The following SMYD3 variants were observed in gnomAD, a reference collection of about 807,000 sequenced individuals.
SMYD3 encodes histone-lysine N-methyltransferase SMYD3.
SMYD3 carries 36 observed loss-of-function variants against 57.7 expected under a neutral mutation model. The observed-to-expected ratio is 0.62, with a 90% CI of 0.48 to 0.82. SMYD3 has a LOEUF of 0.82. Among genes scored for constraint, SMYD3 ranks in the 40% least tolerant of loss-of-function variants. The pLI is 0.00. For missense variants in SMYD3, 515 were observed against 538.8 expected (o/e 0.96, Z 0.44); for synonymous variants, 211 against 195.0 (o/e 1.08, Z -0.68).
chr1:246,495,628 C>T (rs1468006463), intron 1 of SMYD3, among the ~76,000 whole-genome samples: 1 of 152,074 alleles, frequency 6.6e-6, no homozygotes, highest in Non-Finnish European at 1.5e-5. Flanking sequence ...AGTTTATGAA[C>T]AATTTTTACA....
chr1:246,281,297 T>C (rs1233648208), intron 5 of SMYD3, among the ~76,000 whole-genome samples: 1 of 152,222 alleles, frequency 6.6e-6, no homozygotes, highest in Non-Finnish European at 1.5e-5. Flanking sequence ...GTTCTCTTCC[T>C]TCTTTGTGAA....
At chr1:245,939,430 C>A (rs968932200) in intron 5 of SMYD3, among the ~76,000 whole-genome samples, 1 of 152,072 alleles carries the variant, frequency 6.6e-6, no homozygotes, top group Non-Finnish European at 1.5e-5. Flanking sequence ...TCGAGACCAG[C>A]CTGGCCAATA....
chr1:246,273,162 G>GC (rs1491138821), intron 5 of SMYD3, among the ~76,000 whole-genome samples: 22 of 46,726 alleles, frequency 4.7e-4, no homozygotes, highest in Admixed American at 2.8e-3. Flanking sequence ...TCTTTTTTTT[G>GC]GGGGGGGGAC....
At chr1:246,204,745 A>G (rs2062972530) in intron 5 of SMYD3, among the ~76,000 whole-genome samples, 1 of 152,236 alleles carries the variant, frequency 6.6e-6, no homozygotes, top group Non-Finnish European at 1.5e-5. Flanking sequence ...AGGTCCATTT[A>G]TCTGCATGCT....
chr1:246,294,701 T>A (rs1002647704), intron 5 of SMYD3, among the ~76,000 whole-genome samples: 2 of 152,176 alleles, frequency 1.3e-5, no homozygotes, highest in African/African-American at 4.8e-5. Context: ...CAGGTTCACA[T>A]GATTCTCCTG....
At chr1:246,244,687 CT>C (rs1485427602) in intron 5 of SMYD3, among the ~76,000 whole-genome samples, 2 of 152,100 alleles carry the variant, frequency 1.3e-5, no homozygotes, top group Non-Finnish European at 2.9e-5. Flanking sequence ...ATTACTTTTG[CT>C]TTATATTTTC....
chr1:246,109,880 G>A (rs1336603769), intron 5 of SMYD3: 1 of 152,222 alleles, frequency 6.6e-6, no homozygotes, highest in Non-Finnish European at 1.5e-5. Flanking sequence ...CAGAGACCTG[G>A]GCAAGACCTC....
intron 1 of SMYD3, among the ~76,000 whole-genome samples, chr1:246,494,368 T>A (rs911735372): frequency 6.6e-6 from 1 of 152,242 alleles, no homozygotes; most frequent in South Asian, 2.1e-4. Context: ...ACTTTTTTTT[T>A]ATTCCTTTCC....
chr1:246,506,699 G>A (rs1475169532), intron 1 of SMYD3, among the ~76,000 whole-genome samples: 3 of 152,130 alleles, frequency 2.0e-5, no homozygotes, highest in Non-Finnish European at 4.4e-5. Flanking sequence ...CCGCACCAAG[G>A]AAGACTGTCC....
At chr1:246,425,649 G>A (rs1483792865) in intron 1 of SMYD3, among the ~76,000 whole-genome samples, 3 of 152,170 alleles carry the variant, frequency 2.0e-5, no homozygotes, top group Non-Finnish European at 4.4e-5. Flanking sequence ...AGTACCCAAT[G>A]GGATTGAGCT....
At chr1:246,043,179 CCTTTCAT>C (rs2059907588) in intron 5 of SMYD3, among the ~76,000 whole-genome samples, 1 of 152,186 alleles carries the variant, frequency 6.6e-6, no homozygotes, top group African/African-American at 2.4e-5. Context: ...TCATCTACTA[CCTTTCAT>C]GTAAAAACAA....
intron 5 of SMYD3, among the ~76,000 whole-genome samples, chr1:246,075,077 A>G (rs1019595699): frequency 2.0e-5 from 3 of 152,172 alleles, no homozygotes; most frequent in African/African-American, 7.2e-5. Flanking sequence ...AAAAAATTCA[A>G]TCAATGAAAA....
chr1:245,915,225 A>G (rs1479253667), intron 8 of SMYD3, among the ~76,000 whole-genome samples: 1 of 152,182 alleles, frequency 6.6e-6, no homozygotes, highest in East Asian at 1.9e-4. Flanking sequence ...CACTTACTAC[A>G]TATGTTCTAC....
At chr1:246,263,782 T>C (rs2064055413) in intron 5 of SMYD3, among the ~76,000 whole-genome samples, 1 of 152,208 alleles carries the variant, frequency 6.6e-6, no homozygotes, top group African/African-American at 2.4e-5. Flanking sequence ...TAAATAGTGG[T>C]TAATTTGAAC....
chr1:246,454,792 G>C (rs1403770786), intron 1 of SMYD3, among the ~76,000 whole-genome samples: 1 of 152,106 alleles, frequency 6.6e-6, no homozygotes, highest in East Asian at 1.9e-4. Context: ...CTTATATAAA[G>C]CAACAGGACT....
chr1:245,850,220 G>A (rs1402955172), intron 10 of SMYD3, among the ~76,000 whole-genome samples: 6 of 152,094 alleles, frequency 3.9e-5, no homozygotes, highest in African/African-American at 4.8e-5. Context: ...CACCCCACAC[G>A]GTCCTGGGGC....
intron 5 of SMYD3, among the ~76,000 whole-genome samples, chr1:246,067,186 A>G (rs2060358165): frequency 6.6e-6 from 1 of 152,240 alleles, no homozygotes; most frequent in Admixed American, 6.5e-5. Flanking sequence ...TGATAAAATC[A>G]AGTAAATATT....
At chr1:246,060,505 CT>C (rs1362278195) in intron 5 of SMYD3, among the ~76,000 whole-genome samples, 1 of 152,006 alleles carries the variant, frequency 6.6e-6, no homozygotes, top group Non-Finnish European at 1.5e-5. Flanking sequence ...AGCAAAATGT[CT>C]TTCTTGATTT....
At chr1:245,967,966 T>C (rs1165455377) in intron 5 of SMYD3, among the ~76,000 whole-genome samples, 2 of 152,212 alleles carry the variant, frequency 1.3e-5, no homozygotes, top group African/African-American at 4.8e-5. Context: ...AGGATGTTCC[T>C]AACTTCCCCA....
Sources: gnomAD v4.1 joint callset for allele counts (sites outside exome capture counted in the v4.1 genomes callset) on GRCh38, gnomAD v4.1.1 for gene constraint, MANE v1.5 for transcripts, NCBI Gene and HGNC (gene_info 2026-07-23, HGNC 2026-07-21) for gene names.